GPHN: variants seen among roughly 807,000 people sequenced by gnomAD.
The protein encoded by GPHN is gephyrin.
GPHN carries 17 observed loss-of-function variants against 95.5 expected under a neutral mutation model. The ratio of observed to expected loss-of-function variants is 0.18; its 90% CI spans 0.12 to 0.27. The LOEUF (loss-of-function observed/expected upper bound fraction) is 0.27. Among genes scored for constraint, GPHN ranks in the 10% least tolerant of loss-of-function variants. The pLI, the probability that GPHN is intolerant of heterozygous loss-of-function variation, is 1.00. For missense variants in GPHN, 660 were observed against 978.1 expected (o/e 0.67, Z 4.34); for synonymous variants, 320 against 322.5 (o/e 0.99, Z 0.08).
chr14:67,528,708 G>A, the GPHN span, among the ~76,000 whole-genome samples: 4 of 151,844 alleles, frequency 2.6e-5, no homozygotes, highest in South Asian at 2.1e-4. Context: ...TCTCTTGCCC[G>A]TATAACCCGC....
At chr14:67,374,764 G>A in the GPHN span, 6 of 369,260 alleles carry the variant, frequency 1.6e-5, no homozygotes, top group Admixed American at 4.5e-5. Context: ...CATAAAATAC[G>A]GGGTTTTTTT....
At chr14:67,006,899 TA>T (rs1191518476) in intron 9 of GPHN, among the ~76,000 whole-genome samples, 6 of 152,200 alleles carry the variant, frequency 3.9e-5, no homozygotes, top group African/African-American at 1.4e-4. Flanking sequence ...TTGGTCAAAT[TA>T]GGACTGATTT....
intron 1 of GPHN, among the ~76,000 whole-genome samples, chr14:66,587,479 A>G (rs1424913320): frequency 6.6e-6 from 1 of 152,214 alleles, no homozygotes; most frequent in Non-Finnish European, 1.5e-5. Flanking sequence ...ATTCTCAATA[A>G]AATACTAGCA....
intron 1 of GPHN, among the ~76,000 whole-genome samples, chr14:66,653,737 T>C (rs1292584884): frequency 1.3e-5 from 2 of 152,188 alleles, no homozygotes; most frequent in Non-Finnish European, 2.9e-5. Flanking sequence ...TATCTAGATA[T>C]TTATCCATAC....
chr14:67,358,085 G>A, the GPHN span, among the ~76,000 whole-genome samples: 1 of 151,868 alleles, frequency 6.6e-6, no homozygotes, highest in Admixed American at 6.6e-5. Context: ...TTTCAGGCAG[G>A]CATTTTAATG....
At chr14:67,677,868 T>C in the GPHN span, 499 of 154,240 alleles carry the variant, frequency 3.2e-3, 17 homozygotes, top group East Asian at 0.081. Context: ...GGGCAAGCCC[T>C]GCTCCTGAGC....
the GPHN span, chr14:67,198,107 A>G: frequency 6.4e-7 from 1 of 1,571,268 alleles, no homozygotes; most frequent in African/African-American, 1.4e-5. Context: ...TTCTCTCTGT[A>G]TCCACTAATT....
the GPHN span, chr14:67,203,409 C>T: frequency 3.7e-6 from 3 of 801,650 alleles, no homozygotes; most frequent in Non-Finnish European, 5.7e-6. Context: ...ACTCGCACTC[C>T]CTGCTGCAAA....
chr14:67,108,475 A>C (rs989542643), intron 13 of GPHN, among the ~76,000 whole-genome samples: 4 of 152,186 alleles, frequency 2.6e-5, no homozygotes, highest in African/African-American at 9.7e-5. Flanking sequence ...GGAGAGGCAA[A>C]CAGAAAATGA....
chr14:67,717,078 C>A, the GPHN span, among the ~76,000 whole-genome samples: 1 of 150,604 alleles, frequency 6.6e-6, no homozygotes, highest in African/African-American at 2.5e-5. Context: ...TACCCTTCCC[C>A]TTTAAAAACT....
chr14:67,259,422 C>T, the GPHN span, among the ~76,000 whole-genome samples: 3 of 151,500 alleles, frequency 2.0e-5, no homozygotes, highest in African/African-American at 7.3e-5. Context: ...ACCAGCCTGG[C>T]CAACACGGTG....
chr14:66,611,710 A>G (rs189658311), intron 1 of GPHN, among the ~76,000 whole-genome samples: 2 of 152,272 alleles, frequency 1.3e-5, no homozygotes, highest in African/African-American at 4.8e-5. Context: ...ACCTTTTCAA[A>G]GCTATGTAAC....
At chr14:66,806,783 A>G (rs1469392431) in intron 3 of GPHN, among the ~76,000 whole-genome samples, 4 of 152,196 alleles carry the variant, frequency 2.6e-5, no homozygotes, top group Admixed American at 2.0e-4. Context: ...CCATATTGCT[A>G]TCAGCATTTT....
At chr14:67,465,169 G>T in the GPHN span, among the ~76,000 whole-genome samples, 1 of 152,250 alleles carries the variant, frequency 6.6e-6, no homozygotes, top group African/African-American at 2.4e-5. Flanking sequence ...CAGGCGCCAG[G>T]ACTGGGTTTG....
rs537710200 is a variant in GPHN, at chr14:66,526,891, G to A, written c.64+18300G>A. ...ATTCGGTTTGCCAATATTTTATCGA[G>A]GATTTTTGCACTGATGTTCATCAGG... is the stretch of plus-strand genomic sequence containing the variant. On this transcript the variant is annotated intron_variant, in intron 1 of 22. Transcript: ENST00000478722. 9.2e-5 allele frequency among the ~76,000 whole-genome samples: 14 copies of A among 152,172 alleles called. No homozygotes were observed. The East Asian group carries it at 2.7e-3, about 29-fold the overall frequency.
At chr14:67,495,493 T>C in the GPHN span, among the ~76,000 whole-genome samples, 5 of 152,082 alleles carry the variant, frequency 3.3e-5, no homozygotes, top group Admixed American at 6.5e-5. Context: ...TGGATTTTTT[T>C]TTTTTTCAGA....
At chr14:66,650,494 A>G (rs561044259) in intron 1 of GPHN, among the ~76,000 whole-genome samples, 101 of 152,278 alleles carry the variant, frequency 6.6e-4, no homozygotes, top group Non-Finnish European at 1.3e-3. Context: ...GCTGCAATTC[A>G]AAAGGTGGCA....
At chr14:67,660,491 T>C in the GPHN span, among the ~76,000 whole-genome samples, 29 of 152,324 alleles carry the variant, frequency 1.9e-4, no homozygotes, top group East Asian at 5.4e-3. Flanking sequence ...ACCAAGTTTT[T>C]AGCCTGGTAT....
At chr14:67,122,184 GA>G in intron 16 of GPHN, 71 bp from the exon 17 acceptor site, 1 of 1,488,682 alleles carries the variant, frequency 6.7e-7, no homozygotes, top group Admixed American at 1.7e-5. Flanking sequence ...CAGTTTAGTA[GA>G]TTTTTTTTTC....
Sources: gnomAD v4.1 joint callset for allele counts (sites outside exome capture counted in the v4.1 genomes callset) on GRCh38, gnomAD v4.1.1 for gene constraint, MANE v1.5 for transcripts, NCBI Gene and HGNC (gene_info 2026-07-23, HGNC 2026-07-21) for gene names.